KPNA1: variants seen among roughly 807,000 people sequenced by gnomAD.
KPNA1 encodes the protein importin subunit alpha-5.
A neutral mutation model predicts 70.5 loss-of-function variants in KPNA1; 10 were observed. The observed-to-expected ratio is 0.14, with a 90% CI of 0.09 to 0.24. The LOEUF (loss-of-function observed/expected upper bound fraction) is 0.24. Ranked by LOEUF, KPNA1 falls within the 10% of genes least tolerant of loss-of-function variation. KPNA1 has a pLI of 1.00. For synonymous variants in KPNA1, 192 were observed against 221.9 expected (o/e 0.87, Z 1.20); for missense variants, 397 against 637.9 (o/e 0.62, Z 4.07).
intron 12 of KPNA1, chr3:122,433,392 A>C (rs1001482466): frequency 9.6e-6 from 3 of 313,930 alleles, no homozygotes; most frequent in African/African-American, 6.4e-5. Flanking sequence ...AGCCTCGACT[A>C]TGCCTACTTC....
chr3:122,451,114 A>C (rs2076197635), intron 8 of KPNA1, among the ~76,000 whole-genome samples: 2 of 152,110 alleles, frequency 1.3e-5, no homozygotes, highest in South Asian at 4.2e-4. Context: ...TCATGTACCT[A>C]AACACCACCT....
At chr3:122,460,590 T>A (rs1378457136) in intron 5 of KPNA1, 2 of 266,210 alleles carry the variant, frequency 7.5e-6, no homozygotes, top group Non-Finnish European at 1.2e-5. Context: ...TGAGCTGAGA[T>A]CTTGCCACTG....
At chr3:122,495,297 A>C (rs1034575736) in intron 2 of KPNA1, among the ~76,000 whole-genome samples, 2 of 151,480 alleles carry the variant, frequency 1.3e-5, no homozygotes, top group Non-Finnish European at 2.9e-5. Context: ...TCACCCAAAA[A>C]ACAGAACTAA....
At chr3:122,452,670 A>AGAAGGAGG (rs1181339385) in intron 6 of KPNA1, among the ~76,000 whole-genome samples, 8 of 73,560 alleles carry the variant, frequency 1.1e-4, no homozygotes, top group Admixed American at 4.6e-4. Flanking sequence ...AGGAAGCAAG[A>AGAAGGAGG]GAAGGAGGGA....
In KPNA1 at chr3:122,424,222, CAA is replaced by C. The variant is rs750634877; in HGVS notation, c.*2761_*2762del. ...TTTCCCCAATCCATATATAAAACTACAAAAGAGTTTTCCTGTATTGAAATTAA... is the reference window on the plus strand; with the variant it reads ...TTTCCCCAATCCATATATAAAACTACAAGAGTTTTCCTGTATTGAAATTAA... On this transcript the variant is annotated 3_prime_UTR_variant, in exon 14 of 14. Coordinates refer to ENST00000344337, the MANE Select transcript of KPNA1 (RefSeq NM_002264.4). 1.3e-5 allele frequency: 2 copies of C among 152,134 alleles called. No homozygotes were observed. The highest frequency in any genetic ancestry group is 1.3e-4 in the Admixed American group (2 of 15,276). The allele number at this position is 152,134 out of a possible 1,614,324, so 9.4% of individuals were successfully genotyped here.
chr3:122,463,999 T>C lies in KPNA1; in HGVS notation c.280A>G (p.Lys94Glu), dbSNP rs755983475. The C allele has an allele frequency of 3.7e-6, 6 of 1,607,382 alleles. No individual in the cohort carries two copies. In the Admixed American group the frequency reaches 8.4e-5, roughly 22 times the overall value. ...GCTGAAAGCTGTTGCTCTGGGCTTT[T>C]GGAAAATATCATTTCAATCATGTCA... ...TSDMIEMIFS[K>E]SPEQQLSATQ... Residue 94 changes from lysine (K) to glutamate (E), a missense_variant, in exon 4 of 14, where the codon AAA (lysine) becomes GAA (glutamate). Transcript: ENST00000344337.
chr3:122,495,904 G>A (rs1204877461), intron 2 of KPNA1, among the ~76,000 whole-genome samples: 2 of 151,954 alleles, frequency 1.3e-5, no homozygotes, highest in African/African-American at 4.8e-5. Flanking sequence ...CATATTCTGT[G>A]AATGAAATTT....
chr3:122,495,300 A>G (rs958925486), intron 2 of KPNA1, among the ~76,000 whole-genome samples: 1 of 150,830 alleles, frequency 6.6e-6, no homozygotes, highest in Non-Finnish European at 1.5e-5. Context: ...CCCAAAAAAC[A>G]GAACTAATTT....
chr3:122,501,024 TCTTTC>T (rs1424833648), intron 1 of KPNA1, among the ~76,000 whole-genome samples: 1 of 141,326 alleles, frequency 7.1e-6, no homozygotes, highest in East Asian at 2.3e-4. Context: ...TCTTTTCTTT[TCTTTC>T]CTTTTTTTTT....
chr3:122,485,570 G>T (rs1200405011), intron 2 of KPNA1, among the ~76,000 whole-genome samples: 3 of 151,506 alleles, frequency 2.0e-5, no homozygotes, highest in Non-Finnish European at 4.4e-5. Context: ...GAAAATATGT[G>T]TAAAACACGT....
intron 2 of KPNA1, among the ~76,000 whole-genome samples, chr3:122,495,978 T>C (rs1040234805): frequency 6.6e-6 from 1 of 152,196 alleles, no homozygotes; most frequent in Non-Finnish European, 1.5e-5. Context: ...TAGCAAACTG[T>C]TGACAATTAC....
intron 7 of KPNA1, 84 bp downstream of exon 7, chr3:122,451,892 C>T: frequency 1.1e-6 from 1 of 890,212 alleles, no homozygotes; most frequent in Non-Finnish European, 1.8e-6. Context: ...AAAATGATTT[C>T]CAAACATGTA....
chr3:122,446,484 G>C (rs1169263887), intron 9 of KPNA1, among the ~76,000 whole-genome samples: 2 of 152,164 alleles, frequency 1.3e-5, no homozygotes, highest in Non-Finnish European at 2.9e-5. Context: ...TGAAAACAAA[G>C]ACACAACATA....
Position 122,452,012 on chromosome 3 carries a change from T to C in KPNA1, c.617A>G (p.Tyr206Cys), listed in dbSNP as rs1330826298. The change falls in exon 7 of 14, where the codon TAT becomes TGT. Residue 206 changes from tyrosine to cysteine, a missense_variant. Physicochemically the swap from Tyr to Cys is radical, Grantham distance 194. Coordinates refer to ENST00000344337, the MANE Select transcript of KPNA1 (RefSeq NM_002264.4). ...GGGAAGGATATTGCAGTCTAAGACA[T>C]AGTCCCTGCACATGGTACTATCTCC... is the stretch of plus-strand genomic sequence containing the variant. ...IAGDSTMCRD[Y>C]VLDCNILPPL... is the part of the protein sequence containing the mutation. 6 of 1,610,444 alleles carry C rather than the reference T, an allele frequency of 3.7e-6. No homozygotes were observed. The highest frequency in any genetic ancestry group is 1.1e-5 in the South Asian group (1 of 90,232).
Position 122,427,614 on chromosome 3 carries a change from C to T in KPNA1, c.1353G>A (p.Leu451=). ...QVALNGLENI[L]RLGEQEAKRN... ...TTTTGGCTTCCTGTTCTCCAAGCCT[C>T]AGGATATTTTCCAAGCCATTTAGGG... Residue 451 remains leucine (L), a synonymous_variant, in exon 13 of 14, where the codon CTG becomes CTA. Coordinates refer to ENST00000344337, the MANE Select transcript of KPNA1 (RefSeq NM_002264.4). The T allele has an allele frequency of 6.2e-7, 1 of 1,614,132 alleles. No homozygotes were observed. The highest frequency in any genetic ancestry group is 8.5e-7 in the Non-Finnish European group (1 of 1,180,008).
At chr3:122,445,198 A>G (rs2076120662) in intron 9 of KPNA1, among the ~76,000 whole-genome samples, 1 of 152,192 alleles carries the variant, frequency 6.6e-6, no homozygotes, top group African/African-American at 2.4e-5. Flanking sequence ...AACAGTGTAG[A>G]GAAGAGCTTA....
chr3:122,422,057 A>T lies in KPNA1; in HGVS notation c.*4928T>A, dbSNP rs2075770845. On this transcript the variant is annotated 3_prime_UTR_variant, in exon 14 of 14. Transcript: ENST00000344337. ...GAATCATTAGAGCCATTCCAAATCTAAGTGTCAGAACACTTTGAAGCAGGA... is the reference window on the plus strand; with the variant it reads ...GAATCATTAGAGCCATTCCAAATCTTAGTGTCAGAACACTTTGAAGCAGGA... 6.6e-6 allele frequency: 1 copy of T among 152,202 alleles called. No individual in the cohort carries two copies. Among genetic ancestry groups the T allele is most frequent in the Non-Finnish European group, 1.5e-5 (1 of 68,034 alleles). The allele number at this position is 152,202 out of a possible 1,614,324, so 9.4% of individuals were successfully genotyped here.
At chr3:122,496,382 C>T in intron 2 of KPNA1, 55 bp downstream of exon 2, 1 of 1,535,052 alleles carries the variant, frequency 6.5e-7, no homozygotes, top group Non-Finnish European at 8.9e-7. Flanking sequence ...TAGTTTCAGG[C>T]TTAAAATGGA....
intron 12 of KPNA1, among the ~76,000 whole-genome samples, chr3:122,431,252 G>A (rs1453025492): frequency 6.6e-6 from 1 of 152,132 alleles, no homozygotes; most frequent in African/African-American, 2.4e-5. Flanking sequence ...ACCAACCTCT[G>A]CCTCCTGGGT....
Sources: allele counts gnomAD v4.1 joint callset (sites outside exome capture counted in the v4.1 genomes callset), GRCh38; gene constraint gnomAD v4.1.1; transcripts MANE v1.5; gene names NCBI Gene and HGNC (gene_info 2026-07-23, HGNC 2026-07-21).